Variants in CPEB4 observed in about 807,000 individuals in gnomAD.
CPEB4 encodes cytoplasmic polyadenylation element binding protein 4, also known as cytoplasmic polyadenylation element-binding protein 4.
A neutral mutation model predicts 72.5 loss-of-function variants in CPEB4; 12 were observed. That is an observed-to-expected ratio of 0.17 (90% CI 0.11 to 0.27). The LOEUF (loss-of-function observed/expected upper bound fraction) is 0.27. CPEB4 is among the 10% of genes least tolerant of loss of function. The pLI is 1.00. For synonymous variants in CPEB4, 302 were observed against 326.3 expected (o/e 0.93, Z 0.80); for missense variants, 614 against 908.5 (o/e 0.68, Z 4.17).
intron 1 of CPEB4, among the ~76,000 whole-genome samples, chr5:173,905,009 ATAATAAT>A (rs1756378636): frequency 7.9e-6 from 1 of 126,120 alleles, no homozygotes; most frequent in Admixed American, 7.9e-5. Context: ...AATAATAATA[ATAATAAT>A]AAAAAAATGT....
intron 2 of CPEB4, among the ~76,000 whole-genome samples, chr5:173,917,459 C>T (rs371196554): frequency 2.0e-4 from 30 of 152,190 alleles, no homozygotes; most frequent in African/African-American, 7.2e-4. Flanking sequence ...ATAGGCTGGG[C>T]GTGGTGGCTC....
chr5:173,934,271 TCTTA>T (rs1406907720), intron 3 of CPEB4, among the ~76,000 whole-genome samples: 4 of 152,338 alleles, frequency 2.6e-5, no homozygotes, highest in Admixed American at 6.5e-5. Context: ...TTTTTAATGA[TCTTA>T]CTTGTCAATA....
At chr5:173,908,566 A>T (rs1448079795) in intron 1 of CPEB4, among the ~76,000 whole-genome samples, 3 of 152,242 alleles carry the variant, frequency 2.0e-5, no homozygotes, top group Non-Finnish European at 4.4e-5. Context: ...GAATATCTGC[A>T]TGATGAGATG....
intron 2 of CPEB4, among the ~76,000 whole-genome samples, chr5:173,920,269 C>G (rs1053772112): frequency 1.3e-4 from 20 of 152,236 alleles, no homozygotes; most frequent in Middle Eastern, 3.4e-3. Context: ...TGGGTTGATG[C>G]CAGTTGCTGT....
chr5:173,924,579 T>G (rs1415457366), intron 2 of CPEB4, among the ~76,000 whole-genome samples: 1 of 152,244 alleles, frequency 6.6e-6, no homozygotes, highest in Non-Finnish European at 1.5e-5. Context: ...TTAATTTTGT[T>G]AAGTACCTAC....
At position 173,900,393 on chromosome 5, in the gene CPEB4, G is replaced by A. The variant is rs903177954; in HGVS notation, c.1125+9535G>A. ...GCACTCCAGCCTGGACAACAACAGC[G>A]GAACTCTGTCTCAAAAAAAAAAAAA... On this transcript the variant is annotated intron_variant, in intron 1 of 9. Coordinates refer to ENST00000265085, the MANE Select transcript of CPEB4 (RefSeq NM_030627.4). This position sits in a 1 kb window ranked among gnomAD's most constrained non-coding sequence, Gnocchi z 4.4. Among the ~76,000 whole-genome samples the A allele has an allele frequency of 6.6e-6, 1 of 151,292 alleles. No individual in the cohort carries two copies. The highest frequency in any genetic ancestry group is 1.5e-5 in the Non-Finnish European group (1 of 67,628).
chr5:173,930,033 A>G (rs1757384643), intron 2 of CPEB4, among the ~76,000 whole-genome samples: 1 of 151,774 alleles, frequency 6.6e-6, no homozygotes. Context: ...ATTCAGAAAC[A>G]GTACTCTGTT....
chr5:173,890,892 A>G, intron 1 of CPEB4, 34 bp downstream of exon 1: 1 of 1,561,608 alleles, frequency 6.4e-7, no homozygotes, highest in Non-Finnish European at 8.7e-7. Flanking sequence ...ATTAGGATGA[A>G]TAAGGAAATA....
chr5:173,945,748 G>A (rs954924648), intron 5 of CPEB4, among the ~76,000 whole-genome samples: 1 of 152,210 alleles, frequency 6.6e-6, no homozygotes, highest in African/African-American at 2.4e-5. Context: ...GTAAAATAGT[G>A]ATGCAGGGAG....
intron 3 of CPEB4, among the ~76,000 whole-genome samples, chr5:173,942,449 CT>C (rs1260236653): frequency 6.6e-6 from 1 of 152,182 alleles, no homozygotes; most frequent in Non-Finnish European, 1.5e-5. Context: ...AATACCAAGC[CT>C]TTTACTTTTC....
Position 173,892,274 on chromosome 5 carries a change from A to ATT in CPEB4, c.1125+1430_1125+1431dup, listed in dbSNP as rs71820084. ...ATTTAGTTTTCGACTTCTAAAAACG[A>ATT]TTTTTTTTTTTTTTTGCCTATCAAA... On this transcript the variant is annotated intron_variant, in intron 1 of 9. Coordinates refer to ENST00000265085, the MANE Select transcript of CPEB4 (RefSeq NM_030627.4). 3.8e-4 allele frequency among the ~76,000 whole-genome samples: 46 copies of ATT among 120,774 alleles called. 1 individual carries two copies. The highest frequency in any genetic ancestry group is 1.5e-3 in the East Asian group (7 of 4,558). 79.2% of individuals were successfully genotyped at this position (120,774 alleles called of 152,430 possible).
chr5:173,934,804 A>C (rs772653505), intron 3 of CPEB4, among the ~76,000 whole-genome samples: 1 of 152,136 alleles, frequency 6.6e-6, no homozygotes, highest in African/African-American at 2.4e-5. Flanking sequence ...TAGGGAGGAG[A>C]GGTGTTGAGA....
intron 2 of CPEB4, among the ~76,000 whole-genome samples, chr5:173,912,562 C>T (rs971741631): frequency 1.3e-5 from 2 of 151,346 alleles, no homozygotes; most frequent in Non-Finnish European, 2.9e-5. Context: ...AAGACCCTGT[C>T]TCTATATAAT....
At chr5:173,926,947 G>A (rs1037963384) in intron 2 of CPEB4, among the ~76,000 whole-genome samples, 3 of 152,060 alleles carry the variant, frequency 2.0e-5, no homozygotes, top group African/African-American at 7.2e-5. Flanking sequence ...TCAGGAGTTC[G>A]AGATCAGCCT....
chr5:173,917,658 G>A (rs994353537), intron 2 of CPEB4, among the ~76,000 whole-genome samples: 2 of 152,298 alleles, frequency 1.3e-5, no homozygotes, highest in Admixed American at 1.3e-4. Flanking sequence ...CCTGGCAGGC[G>A]GAGGTTGCAG....
chr5:173,890,153 G>C lies in CPEB4; in HGVS notation c.420G>C (p.Leu140Phe). 2 of 1,614,104 alleles carry C rather than the reference G, an allele frequency of 1.2e-6. No homozygotes were observed. The highest frequency in any genetic ancestry group is 1.7e-6 in the Non-Finnish European group (2 of 1,180,022). Residue 140 changes from leucine to phenylalanine, a missense_variant, in exon 1 of 10, where the codon TTG becomes TTC. This residue lies in a region of CPEB4 where 458 missense variants were observed against 548.6 expected (regional missense o/e 0.83). Coordinates refer to ENST00000265085, the MANE Select transcript of CPEB4 (RefSeq NM_030627.4). ...KEKIRIESPVLTGFDYQEATG... is the reference protein window; with the variant it reads ...KEKIRIESPVFTGFDYQEATG... Reference sequence around the variant, plus strand: ...AAATAAGGATCGAATCTCCAGTGTTGACAGGGTTTGATTATCAAGAAGCCA... The same window carrying C: ...AAATAAGGATCGAATCTCCAGTGTTCACAGGGTTTGATTATCAAGAAGCCA...
intron 2 of CPEB4, among the ~76,000 whole-genome samples, chr5:173,914,716 ACT>A (rs1756801019): frequency 1.3e-5 from 2 of 152,212 alleles, no homozygotes; most frequent in Non-Finnish European, 2.9e-5. Flanking sequence ...AGATCGGGCC[ACT>A]GCACTCCAGC....
chr5:173,950,370 C>T lies in CPEB4; in HGVS notation c.1665+292C>T, dbSNP rs1194194372. On this transcript the variant is annotated intron_variant, in intron 7 of 9. Transcript: ENST00000265085. The surrounding 1 kb of genome is among the most constrained non-coding windows in gnomAD (Gnocchi z 5.0). ...CTGTAATCCCAGCACTTTGGGAGGCCGAAGCAGGTGGATCACATGAGGTCA... is the reference window on the plus strand; with the variant it reads ...CTGTAATCCCAGCACTTTGGGAGGCTGAAGCAGGTGGATCACATGAGGTCA... Among the ~76,000 whole-genome samples the T allele has an allele frequency of 3.3e-5, 5 of 152,024 alleles. No homozygotes were observed. Among genetic ancestry groups the T allele is most frequent in the South Asian group, 2.1e-4 (1 of 4,822 alleles).
chr5:173,890,139 G>C lies in CPEB4; in HGVS notation c.406G>C (p.Glu136Gln). The change falls in exon 1 of 10, where the codon GAA becomes CAA. Residue 136 changes from glutamate (E) to glutamine (Q), a missense_variant. Glu to Gln is a conservative substitution (Grantham distance 29). Around this residue, in one of 5 missense-constraint regions of CPEB4, gnomAD observed 458 missense variants for 548.6 expected, o/e 0.83. Transcript: ENST00000265085. ...NGNGKEKIRI[E>Q]SPVLTGFDYQ... ...CAATGGGAAGGAGAAAATAAGGATC[G>C]AATCTCCAGTGTTGACAGGGTTTGA... is the stretch of plus-strand genomic sequence containing the variant. The C allele has an allele frequency of 1.2e-6, 2 of 1,614,120 alleles. No individual in the cohort carries two copies. Among genetic ancestry groups the C allele is most frequent in the Non-Finnish European group, 1.7e-6 (2 of 1,180,010 alleles).
Sources: gnomAD v4.1 joint callset for allele counts (sites outside exome capture counted in the v4.1 genomes callset) on GRCh38, gnomAD v4.1.1 for gene constraint, gnomAD v4.1.1 regional missense constraint, Gnocchi (gnomAD v3.1) non-coding constraint, MANE v1.5 for transcripts, NCBI Gene and HGNC (gene_info 2026-07-23, HGNC 2026-07-21) for gene names.